ADAMTSL1: variants seen among roughly 807,000 people sequenced by gnomAD.
ADAMTSL1 encodes ADAMTS like 1.
A neutral mutation model predicts 201.8 loss-of-function variants in ADAMTSL1; 126 were observed. The ratio of observed to expected loss-of-function variants is 0.62; its 90% CI spans 0.54 to 0.72. ADAMTSL1 has a LOEUF of 0.72. Among genes scored for constraint, ADAMTSL1 ranks in the 30% least tolerant of loss-of-function variants. The probability of loss-of-function intolerance (pLI) is 0.00; values close to 1 mark genes in which losing one functional copy is unlikely to be tolerated. For synonymous variants in ADAMTSL1, 1,121 were observed against 903.4 expected, an observed-to-expected ratio of 1.24 and a Z score of -4.32; for missense variants, 2,679 against 2,277.8, an observed-to-expected ratio of 1.18 and a Z score of -3.59.
intron 1 of ADAMTSL1, among the ~76,000 whole-genome samples, chr9:18,122,429 G>A (rs1300228247): frequency 6.6e-6 from 1 of 152,120 alleles, no homozygotes; most frequent in Non-Finnish European, 1.5e-5. Flanking sequence ...CAGAAGATCA[G>A]GGCCCAGGAC....
At chr9:18,683,167 T>C (rs1830611830) in intron 12 of ADAMTSL1, among the ~76,000 whole-genome samples, 1 of 152,164 alleles carries the variant, frequency 6.6e-6, no homozygotes. Flanking sequence ...GAATGCTTCC[T>C]TATTGAAAGA....
At chr9:18,402,085 C>T (rs1352258862) in intron 2 of ADAMTSL1, among the ~76,000 whole-genome samples, 1 of 152,172 alleles carries the variant, frequency 6.6e-6, no homozygotes, top group Non-Finnish European at 1.5e-5. Context: ...TCACCGAAAT[C>T]TCTGCCTTCA....
intron 2 of ADAMTSL1, among the ~76,000 whole-genome samples, chr9:18,304,891 A>T (rs1251898783): frequency 6.6e-6 from 1 of 152,184 alleles, no homozygotes; most frequent in Non-Finnish European, 1.5e-5. Context: ...GAAAATATGT[A>T]CTTAAACAGT....
chr9:18,798,475 T>C (rs1197136895), intron 20 of ADAMTSL1, among the ~76,000 whole-genome samples: 4 of 152,256 alleles, frequency 2.6e-5, no homozygotes, highest in Non-Finnish European at 5.9e-5. Flanking sequence ...CACTCAATAT[T>C]TGTTAGCTAT....
At chr9:18,872,789 C>T (rs1394611191) in intron 23 of ADAMTSL1, among the ~76,000 whole-genome samples, 1 of 152,164 alleles carries the variant, frequency 6.6e-6, no homozygotes, top group Non-Finnish European at 1.5e-5. Context: ...AATTCTGCTG[C>T]TATAAACATG....
chr9:18,663,735 A>G (rs10115095), intron 9 of ADAMTSL1, among the ~76,000 whole-genome samples: 46,005 of 151,800 alleles, frequency 0.3, 6,911 homozygotes, highest in Middle Eastern at 0.35. Flanking sequence ...AAAAATGTCA[A>G]TCAAGAGATG....
chr9:18,353,176 A>G (rs1186432581), intron 2 of ADAMTSL1, among the ~76,000 whole-genome samples: 1 of 152,174 alleles, frequency 6.6e-6, no homozygotes, highest in Non-Finnish European at 1.5e-5. Flanking sequence ...CAGTTCATTT[A>G]TATTCTTATC....
At chr9:18,486,036 C>T (rs879666423) in intron 1 of ADAMTSL1, among the ~76,000 whole-genome samples, 1 of 152,186 alleles carries the variant, frequency 6.6e-6, no homozygotes, top group East Asian at 1.9e-4. Context: ...CATCTTGAGG[C>T]CTCAGAGGCT....
At chr9:18,181,222 A>G (rs892717685) in intron 2 of ADAMTSL1, among the ~76,000 whole-genome samples, 2 of 152,266 alleles carry the variant, frequency 1.3e-5, no homozygotes, top group African/African-American at 2.4e-5. Flanking sequence ...GGACATAGGC[A>G]TGGGCAAGGA....
intron 4 of ADAMTSL1, among the ~76,000 whole-genome samples, chr9:18,582,888 A>AAAAT (rs1228706322): frequency 5.3e-4 from 80 of 150,420 alleles, no homozygotes; most frequent in African/African-American, 1.9e-3. Flanking sequence ...AAAATAAAAT[A>AAAAT]AAAATAAAAT....
chr9:18,251,229 T>C (rs1831453676), intron 2 of ADAMTSL1, among the ~76,000 whole-genome samples: 1 of 152,150 alleles, frequency 6.6e-6, no homozygotes, highest in South Asian at 2.1e-4. Context: ...GGAAGACATA[T>C]CTAGAACACA....
chr9:18,160,135 G>C (rs889665812), intron 1 of ADAMTSL1, among the ~76,000 whole-genome samples: 1 of 151,942 alleles, frequency 6.6e-6, no homozygotes, highest in Non-Finnish European at 1.5e-5. Context: ...TGGTGTTTCT[G>C]TATTCCCGGG....
At position 18,910,195 on chromosome 9, in the gene ADAMTSL1, G is replaced by C. The variant is rs1412841639; in HGVS notation, c.*1647G>C. 6.6e-6 allele frequency: 1 copy of C among 152,146 alleles called. No homozygotes were observed. The highest frequency in any genetic ancestry group is 2.4e-5 in the African/African-American group (1 of 41,404). The allele number at this position is 152,146 out of a possible 1,614,324, so 9.4% of individuals were successfully genotyped here. On this transcript the variant is annotated 3_prime_UTR_variant, in exon 29 of 29. Transcript: ENST00000380548. ...CCTAGTGAGCTGTGGACAGGTTTAA[G>C]TTGGGTCTCCTTCTTCTTCACCACA...
chr9:18,637,436 T>C (rs183979386), intron 6 of ADAMTSL1, among the ~76,000 whole-genome samples: 2 of 152,268 alleles, frequency 1.3e-5, no homozygotes, highest in East Asian at 1.9e-4. Context: ...TGACTCTTCA[T>C]TGCGGAAGAA....
chr9:18,498,147 CA>C (rs889205776), intron 1 of ADAMTSL1, among the ~76,000 whole-genome samples: 2 of 151,790 alleles, frequency 1.3e-5, no homozygotes, highest in African/African-American at 4.8e-5. Flanking sequence ...AAAAAAGATA[CA>C]GACATAAAAC....
chr9:18,531,682 C>A (rs563251155), intron 2 of ADAMTSL1, among the ~76,000 whole-genome samples: 1 of 152,140 alleles, frequency 6.6e-6, no homozygotes, highest in Non-Finnish European at 1.5e-5. Flanking sequence ...ATTTCTTACA[C>A]CAAATTATAT....
chr9:18,625,369 A>C (rs531583031), intron 5 of ADAMTSL1, among the ~76,000 whole-genome samples: 1 of 152,288 alleles, frequency 6.6e-6, no homozygotes, highest in South Asian at 2.1e-4. Flanking sequence ...CAGAAGGATA[A>C]AGAGAAGTAG....
chr9:18,279,148 C>G (rs1253158444), intron 2 of ADAMTSL1, among the ~76,000 whole-genome samples: 4 of 152,082 alleles, frequency 2.6e-5, no homozygotes, highest in African/African-American at 9.7e-5. Context: ...ACAGTTGTCC[C>G]TCAGTATACA....
At chr9:18,140,597 T>C (rs756647594) in intron 1 of ADAMTSL1, among the ~76,000 whole-genome samples, 1 of 152,134 alleles carries the variant, frequency 6.6e-6, no homozygotes, top group Non-Finnish European at 1.5e-5. Flanking sequence ...ATACCAAAAT[T>C]CTAGACTCCC....
Sources: allele counts gnomAD v4.1 joint callset (sites outside exome capture counted in the v4.1 genomes callset), GRCh38; gene constraint gnomAD v4.1.1; transcripts MANE v1.5; gene names NCBI Gene and HGNC (gene_info 2026-07-23, HGNC 2026-07-21).